CLHC1: variants seen among roughly 807,000 people sequenced by gnomAD.
CLHC1 encodes clathrin heavy chain linker domain containing 1.
CLHC1 carries 72 observed loss-of-function variants against 69.5 expected under a neutral mutation model. That is an observed-to-expected ratio of 1.04 (90% CI 0.86 to 1.26). The LOEUF (loss-of-function observed/expected upper bound fraction) is 1.26, where lower values mean the gene tolerates loss of function less well. CLHC1 is among the 50% of genes most tolerant of loss of function. The pLI is 0.00. For missense variants in CLHC1, 790 were observed against 679.3 expected (o/e 1.16, Z -1.81); for synonymous variants, 223 against 224.3 (o/e 0.99, Z 0.05).
intron 9 of CLHC1, among the ~76,000 whole-genome samples, chr2:55,194,777 A>G (rs1168332117): frequency 1.3e-5 from 2 of 152,196 alleles, no homozygotes; most frequent in Non-Finnish European, 1.5e-5. Flanking sequence ...GTATATATTT[A>G]AGGTCTACAA....
intron 9 of CLHC1, among the ~76,000 whole-genome samples, chr2:55,188,438 G>A (rs1410443439): frequency 1.3e-5 from 2 of 151,926 alleles, no homozygotes; most frequent in African/African-American, 4.8e-5. Context: ...ACATTTAAAG[G>A]TCTAACACTA....
intron 9 of CLHC1, among the ~76,000 whole-genome samples, chr2:55,188,550 A>G (rs968566367): frequency 6.6e-5 from 10 of 152,180 alleles, no homozygotes; most frequent in African/African-American, 2.4e-4. Context: ...TATTATCTTC[A>G]AAAGCTGAAG....
chr2:55,192,250 C>T (rs1671003795), intron 9 of CLHC1, among the ~76,000 whole-genome samples: 1 of 151,742 alleles, frequency 6.6e-6, no homozygotes, highest in African/African-American at 2.4e-5. Flanking sequence ...CTCCCGAATA[C>T]CTGGGATTAC....
At chr2:55,195,828 C>T (rs1671359291) in intron 9 of CLHC1, among the ~76,000 whole-genome samples, 1 of 151,678 alleles carries the variant, frequency 6.6e-6, no homozygotes, top group African/African-American at 2.4e-5. Context: ...AAACAAAGAA[C>T]AAAAACAAAA....
chr2:55,190,579 C>T (rs1356913965), intron 9 of CLHC1, among the ~76,000 whole-genome samples: 2 of 151,968 alleles, frequency 1.3e-5, no homozygotes, highest in Non-Finnish European at 2.9e-5. Context: ...ATCAAAGTTA[C>T]AGAGATGAAA....
chr2:55,228,938 T>A (rs1674980198), intron 1 of CLHC1, among the ~76,000 whole-genome samples: 1 of 151,690 alleles, frequency 6.6e-6, no homozygotes, highest in Non-Finnish European at 1.5e-5. Context: ...TCACTTGAGG[T>A]TAGGAGTTTG....
intron 5 of CLHC1, 39 bp from the exon 6 acceptor site, chr2:55,209,870 G>A (rs372170410): frequency 3.0e-6 from 4 of 1,345,190 alleles, no homozygotes; most frequent in Non-Finnish European, 4.2e-6. Context: ...GACAAGCCAT[G>A]TGTGGGACGC....
chr2:55,229,385 G>T (rs931857834), intron 1 of CLHC1, among the ~76,000 whole-genome samples: 3 of 152,050 alleles, frequency 2.0e-5, no homozygotes, highest in Non-Finnish European at 4.4e-5. Context: ...ATTCCTGGGA[G>T]ATGAGTGGTT....
chr2:55,230,975 C>T (rs1467647247), intron 1 of CLHC1, among the ~76,000 whole-genome samples: 1 of 152,068 alleles, frequency 6.6e-6, no homozygotes, highest in Non-Finnish European at 1.5e-5. Flanking sequence ...GGAGGCAGGG[C>T]GTGGTGGCTC....
intron 9 of CLHC1, among the ~76,000 whole-genome samples, chr2:55,201,794 T>C (rs1410762456): frequency 6.6e-6 from 1 of 151,922 alleles, no homozygotes; most frequent in Non-Finnish European, 1.5e-5. Context: ...CAATAACACA[T>C]TAAAAAAATC....
At chr2:55,191,249 A>G (rs1038812106) in intron 9 of CLHC1, among the ~76,000 whole-genome samples, 1 of 152,174 alleles carries the variant, frequency 6.6e-6, no homozygotes, top group Non-Finnish European at 1.5e-5. Flanking sequence ...AAAAATATAC[A>G]TATGTTTTTG....
At chr2:55,180,794 A>C in intron 10 of CLHC1, 82 bp from the exon 11 acceptor site, 1 of 1,120,736 alleles carries the variant, frequency 8.9e-7, no homozygotes, top group Non-Finnish European at 1.3e-6. Flanking sequence ...AATTCAGCAC[A>C]GTAGGACTGG....
At chr2:55,210,340 C>T (rs929079939) in intron 5 of CLHC1, among the ~76,000 whole-genome samples, 1 of 151,872 alleles carries the variant, frequency 6.6e-6, no homozygotes, top group South Asian at 2.1e-4. Context: ...GGACTATAGG[C>T]GCCTGCCACC....
chr2:55,176,096 C>A (rs1669366776), intron 12 of CLHC1, 110 bp from the exon 13 acceptor site: 3 of 846,662 alleles, frequency 3.5e-6, no homozygotes, highest in Non-Finnish European at 3.7e-6. Flanking sequence ...TACTGTTAAA[C>A]TCTACCTGAT....
intron 9 of CLHC1, among the ~76,000 whole-genome samples, chr2:55,205,036 A>G (rs939033503): frequency 6.6e-6 from 1 of 152,178 alleles, no homozygotes; most frequent in African/African-American, 2.4e-5. Context: ...GAAATCTACA[A>G]AGCAGGGAAC....
chr2:55,224,194 CA>C, intron 2 of CLHC1: 1 of 275,824 alleles, frequency 3.6e-6, no homozygotes, highest in South Asian at 3.2e-5. Context: ...CCCTTACACA[CA>C]AGGCTCAGTT....
At chr2:55,180,734 G>T in intron 10 of CLHC1, 22 bp from the exon 11 acceptor site, 1 of 1,600,866 alleles carries the variant, frequency 6.2e-7, no homozygotes, top group Non-Finnish European at 8.6e-7. Context: ...AGATCAATAA[G>T]ACATATGTTA....
intron 3 of CLHC1, among the ~76,000 whole-genome samples, chr2:55,220,261 C>T (rs142345355): frequency 3.7e-4 from 57 of 152,256 alleles, no homozygotes; most frequent in African/African-American, 1.2e-3. Context: ...TGCAAGCTGA[C>T]ACTTTTATCT....
intron 9 of CLHC1, among the ~76,000 whole-genome samples, chr2:55,185,763 T>C (rs890113232): frequency 3.3e-5 from 5 of 152,216 alleles, no homozygotes; most frequent in South Asian, 2.1e-4. Context: ...TGTATCTTAG[T>C]ACCTAGGTCA....
Sources: gnomAD v4.1 joint callset for allele counts (sites outside exome capture counted in the v4.1 genomes callset) on GRCh38, gnomAD v4.1.1 for gene constraint, MANE v1.5 for transcripts, NCBI Gene and HGNC (gene_info 2026-07-23, HGNC 2026-07-21) for gene names.